Variants in C1orf53 observed in about 807,000 individuals in gnomAD.
C1orf53 encodes the protein uncharacterized protein C1orf53.
A neutral mutation model predicts 17.5 loss-of-function variants in C1orf53; 23 were observed. That is an observed-to-expected ratio of 1.31 (90% CI 0.94 to 1.86). The LOEUF (loss-of-function observed/expected upper bound fraction) is 1.86, where lower values mean the gene tolerates loss of function less well. C1orf53 is among the 40% of genes most tolerant of loss of function. C1orf53 has a pLI of 0.00. For missense variants in C1orf53, 255 were observed against 193.2 expected, an observed-to-expected ratio of 1.32 and a Z score of -1.89; for synonymous variants, 108 against 81.9, an observed-to-expected ratio of 1.32 and a Z score of -1.72.
At chr1:197,906,396 C>G (rs1483914580) in intron 2 of C1orf53, among the ~76,000 whole-genome samples, 1 of 151,414 alleles carries the variant, frequency 6.6e-6, no homozygotes, top group African/African-American at 2.4e-5. Flanking sequence ...CTCTCTCATT[C>G]TGTTCCCCAC....
At position 197,905,953 on chromosome 1, in the gene C1orf53, A is replaced by G. The variant is rs1011434486; in HGVS notation, c.366+56A>G. 3.3e-6 allele frequency: 4 copies of G among 1,211,294 alleles called. No homozygotes were observed. In the African/African-American group the frequency reaches 6.0e-5, roughly 18 times the overall value. The allele number at this position is 1,211,294 out of a possible 1,614,324, so 75.0% of individuals were successfully genotyped here. ...GTTTGCGGTGCTTCTGTAACTTCGT[A>G]AATACCTATTATTTGAACAACAAGT... On this transcript the variant is annotated intron_variant, in intron 2 of 2. Transcript: ENST00000367393.
At chr1:197,904,227 G>A (rs976833319) in intron 1 of C1orf53, among the ~76,000 whole-genome samples, 17 of 152,136 alleles carry the variant, frequency 1.1e-4, no homozygotes, top group Non-Finnish European at 7.3e-5. Flanking sequence ...GTACCGATGC[G>A]CATCACTGAG....
chr1:197,907,292 G>A lies in C1orf53; in HGVS notation c.*72G>A. 3 of 777,408 alleles carry A rather than the reference G, an allele frequency of 3.9e-6. No homozygotes were observed. Among genetic ancestry groups the A allele is most frequent in the South Asian group, 3.5e-5 (2 of 57,000 alleles). 48.2% of individuals were successfully genotyped at this position (777,408 alleles called of 1,614,324 possible). A position where few individuals can be genotyped will look rare whatever the true frequency, so the allele number is the denominator to read the frequency against. ...AATAAAGCCCCAATTCAGAATTGCT[G>A]GATTATTAGTACTTGAACACTAGTT... is the stretch of plus-strand genomic sequence containing the variant. On this transcript the variant is annotated 3_prime_UTR_variant, in exon 3 of 3. Transcript: ENST00000367393.
intron 2 of C1orf53, 57 bp downstream of exon 2, chr1:197,905,954 A>C (rs1226555589): frequency 1.7e-6 from 2 of 1,206,266 alleles, no homozygotes; most frequent in African/African-American, 3.0e-5. Context: ...TAACTTCGTA[A>C]ATACCTATTA....
chr1:197,907,098 C>A, intron 2 of C1orf53, 51 bp from the exon 3 acceptor site: 2 of 1,150,618 alleles, frequency 1.7e-6, no homozygotes, highest in African/African-American at 1.6e-5. Flanking sequence ...TGTGCTTTTT[C>A]AAGATGATTG....
At chr1:197,904,045 T>C (rs1659482837) in intron 1 of C1orf53, among the ~76,000 whole-genome samples, 1 of 152,228 alleles carries the variant, frequency 6.6e-6, no homozygotes. Context: ...ACTCGGGAAA[T>C]TCACATTTGT....
chr1:197,904,462 T>C (rs1659490067), intron 1 of C1orf53, among the ~76,000 whole-genome samples: 1 of 152,208 alleles, frequency 6.6e-6, no homozygotes, highest in Admixed American at 6.5e-5. Flanking sequence ...TCCCAGAAGC[T>C]ATGAAAAGTA....
intron 2 of C1orf53, among the ~76,000 whole-genome samples, 175 bp downstream of exon 2, chr1:197,906,072 A>G (rs1206281690): frequency 6.6e-6 from 1 of 152,226 alleles, no homozygotes; most frequent in Non-Finnish European, 1.5e-5. Flanking sequence ...GGACTTTTAA[A>G]GTTAATGGAA....
intron 2 of C1orf53, 118 bp downstream of exon 2, chr1:197,906,015 C>A: frequency 1.3e-6 from 1 of 763,902 alleles, no homozygotes; most frequent in Non-Finnish European, 2.2e-6. Flanking sequence ...GTGAACTTTT[C>A]ACAAGCTACT....
intron 1 of C1orf53, among the ~76,000 whole-genome samples, chr1:197,903,148 C>A (rs1360339085): frequency 1.3e-5 from 2 of 152,212 alleles, no homozygotes; most frequent in Non-Finnish European, 2.9e-5. Flanking sequence ...TTCCGATCAG[C>A]GTCCGAGCTA....
At chr1:197,903,771 C>T (rs1434528829) in intron 1 of C1orf53, among the ~76,000 whole-genome samples, 1 of 152,106 alleles carries the variant, frequency 6.6e-6, no homozygotes, top group East Asian at 1.9e-4. Context: ...TAAATAATGA[C>T]AGTTAGTAGG....
In C1orf53 at chr1:197,902,878, C is replaced by A. The variant is rs1659447499; in HGVS notation, c.229C>A (p.Arg77=). 2 of 1,508,946 alleles carry A rather than the reference C, an allele frequency of 1.3e-6. No individual in the cohort carries two copies. Among genetic ancestry groups the A allele is most frequent in the Non-Finnish European group, 1.8e-6 (2 of 1,134,084 alleles). 93.5% of individuals were successfully genotyped at this position (1,508,946 alleles called of 1,614,324 possible). Residue 77 remains arginine, a synonymous_variant, in exon 1 of 3, where the codon CGA becomes AGA. Transcript: ENST00000367393. ...GAGCGAAGAGTTAACCGCGGCGGAG[C>A]GACAGATCGCGGAGCTGCACGCTGC... is the stretch of plus-strand genomic sequence containing the variant. ...SVSEELTAAE[R]QIAELHAAAC...
chr1:197,902,775 C>A lies in C1orf53; in HGVS notation c.126C>A (p.Cys42Ter). The A allele has an allele frequency of 6.3e-7, 1 of 1,578,666 alleles. No homozygotes were observed. The highest frequency in any genetic ancestry group is 8.5e-7 in the Non-Finnish European group (1 of 1,169,890). ...GFRQQLSLTL[C>*]PANEGNCGGS... ...GACAGCAGCTCAGCTTAACCCTCTG[C>A]CCTGCTAACGAGGGAAACTGCGGCG... is the stretch of plus-strand genomic sequence containing the variant. The change falls in exon 1 of 3, where the codon TGC becomes TGA. Residue 42 changes from cysteine to a stop codon, truncating the protein, a stop_gained. Transcript: ENST00000367393. LOFTEE classifies it high-confidence loss of function.
chr1:197,904,398 C>G (rs1445566309), intron 1 of C1orf53, among the ~76,000 whole-genome samples: 2 of 152,172 alleles, frequency 1.3e-5, no homozygotes, highest in Non-Finnish European at 2.9e-5. Context: ...CAGGGGCATG[C>G]GCAGGAGCAA....
chr1:197,905,233 TAACAC>T (rs1412287474), intron 1 of C1orf53, among the ~76,000 whole-genome samples: 1 of 150,184 alleles, frequency 6.7e-6, no homozygotes, highest in African/African-American at 2.5e-5. Flanking sequence ...ATACAACTAA[TAACAC>T]ACCAGCAAAA....
chr1:197,904,330 G>A (rs1659487524), intron 1 of C1orf53, among the ~76,000 whole-genome samples: 1 of 152,184 alleles, frequency 6.6e-6, no homozygotes, highest in Non-Finnish European at 1.5e-5. Context: ...GACAAATTAA[G>A]TTTGTGTGGG....
chr1:197,903,532 A>G (rs1041088341), intron 1 of C1orf53, among the ~76,000 whole-genome samples: 7 of 152,204 alleles, frequency 4.6e-5, no homozygotes, highest in African/African-American at 1.7e-4. Context: ...TACGCCTTCT[A>G]ACACAGTCTG....
intron 1 of C1orf53, 74 bp downstream of exon 1, chr1:197,902,987 C>T: frequency 2.3e-6 from 3 of 1,280,782 alleles, no homozygotes; most frequent in Non-Finnish European, 3.0e-6. Context: ...TCCCGGGCCT[C>T]TCCGGACCCG....
rs1022205351 is a variant in C1orf53 at position 197,902,860 on chromosome 1, G to C, written c.211G>C (p.Glu71Gln). Reference protein sequence around the residue: ...ERAARPSVSEELTAAERQIAE... With the variant: ...ERAARPSVSEQLTAAERQIAE... ...AGCGGCGAGGCCTTCGGTGAGCGAA[G>C]AGTTAACCGCGGCGGAGCGACAGAT... The change falls in exon 1 of 3, where the codon GAG becomes CAG. Residue 71 changes from glutamate (E) to glutamine (Q), a missense_variant. Coordinates refer to ENST00000367393, the MANE Select transcript of C1orf53 (RefSeq NM_001024594.3). 2.0e-6 allele frequency: 3 copies of C among 1,534,916 alleles called. No individual in the cohort carries two copies. In the African/African-American group the frequency reaches 4.3e-5, roughly 22 times the overall value.
Sources: gnomAD v4.1 joint callset for allele counts (sites outside exome capture counted in the v4.1 genomes callset) on GRCh38, gnomAD v4.1.1 for gene constraint, MANE v1.5 for transcripts, NCBI Gene and HGNC (gene_info 2026-07-23, HGNC 2026-07-21) for gene names.